Variants in SLC2A14 observed in about 807,000 individuals in gnomAD.
The protein encoded by SLC2A14 is solute carrier family 2 member 14, also known as solute carrier family 2, facilitated glucose transporter member 14.
SLC2A14 carries 13 observed loss-of-function variants against 43.0 expected under a neutral mutation model. That is an observed-to-expected ratio of 0.30 (90% confidence interval 0.20 to 0.48). The LOEUF (loss-of-function observed/expected upper bound fraction) is 0.48. SLC2A14 is among the 20% of genes least tolerant of loss of function. The probability of loss-of-function intolerance (pLI) is 0.99; values close to 1 mark genes in which losing one functional copy is unlikely to be tolerated. For missense variants in SLC2A14, 428 were observed against 620.4 expected, an observed-to-expected ratio of 0.69 and a Z score of 3.29; for synonymous variants, 190 against 233.8, an observed-to-expected ratio of 0.81 and a Z score of 1.71.
At chr12:7,839,916 T>A (rs1201970883) in intron 2 of SLC2A14, 2 of 267,000 alleles carry the variant, frequency 7.5e-6, no homozygotes, top group Admixed American at 1.3e-4. Context: ...AAGGAGACCC[T>A]GTCTCTACAA....
intron 2 of SLC2A14, among the ~76,000 whole-genome samples, chr12:7,849,285 T>A (rs928151038): frequency 6.6e-6 from 1 of 151,876 alleles, no homozygotes; most frequent in African/African-American, 2.4e-5. Flanking sequence ...GGAGGATTGC[T>A]TGAGTCCAGG....
At chr12:7,828,585 T>C (rs777863383) in intron 6 of SLC2A14, 119 bp downstream of exon 6, 3 of 1,101,746 alleles carry the variant, frequency 2.7e-6, no homozygotes, top group Admixed American at 4.7e-5. Flanking sequence ...ATCAGAACCA[T>C]CTTCACTTGG....
At chr12:7,858,756 C>T (rs186041894) in intron 2 of SLC2A14, among the ~76,000 whole-genome samples, 1 of 152,242 alleles carries the variant, frequency 6.6e-6, no homozygotes, top group Admixed American at 6.5e-5. Flanking sequence ...GCCTCAGCCT[C>T]CCAAAGTGCT....
chr12:7,836,185 A>T (rs2120818910), intron 2 of SLC2A14, among the ~76,000 whole-genome samples: 1 of 151,806 alleles, frequency 6.6e-6, no homozygotes, highest in South Asian at 2.1e-4. Flanking sequence ...CCTGGCCAGT[A>T]CTGTCCAATA....
intron 7 of SLC2A14, among the ~76,000 whole-genome samples, chr12:7,824,954 C>A (rs1360813954): frequency 6.6e-6 from 1 of 151,770 alleles, no homozygotes; most frequent in Non-Finnish European, 1.5e-5. Flanking sequence ...CTCAGCCTCC[C>A]ACAGTGCTGG....
intron 1 of SLC2A14, among the ~76,000 whole-genome samples, chr12:7,882,559 G>T (rs1286982373): frequency 6.6e-6 from 1 of 152,048 alleles, no homozygotes; most frequent in Admixed American, 6.6e-5. Context: ...GCTAGCGTCG[G>T]CAGTGGCTCA....
intron 1 of SLC2A14, among the ~76,000 whole-genome samples, chr12:7,883,151 G>C (rs1258778798): frequency 6.6e-6 from 1 of 151,914 alleles, no homozygotes; most frequent in African/African-American, 2.4e-5. Context: ...AGAGGTTGCA[G>C]TGAGCCAAGA....
At position 7,858,365 on chromosome 12, in the gene SLC2A14, G is replaced by A. The variant is rs151075223; in HGVS notation, c.18+11498C>T. The stretch of plus-strand genomic sequence containing the variant: ...TATAAATGGGTTGTATTTTATTACT[G>A]AGTTGTAAAAGGACTTTACATATTC... On this transcript the variant is annotated intron_variant, in intron 2 of 10. Transcript: ENST00000431042. Among the ~76,000 whole-genome samples, 653 of 152,148 alleles carry A rather than the reference G, an allele frequency of 4.3e-3. 6 individuals carry two copies. The highest frequency in any genetic ancestry group is 0.017 in the Middle Eastern group (5 of 294).
chr12:7,866,238 A>G (rs1203069303), intron 2 of SLC2A14, among the ~76,000 whole-genome samples: 3 of 151,580 alleles, frequency 2.0e-5, no homozygotes, highest in East Asian at 3.9e-4. Context: ...AAAAAAAAAA[A>G]AAAAGAAAAG....
chr12:7,867,920 A>G (rs1279660065), intron 2 of SLC2A14, among the ~76,000 whole-genome samples: 1 of 151,938 alleles, frequency 6.6e-6, no homozygotes, highest in South Asian at 2.1e-4. Flanking sequence ...TATTGTTGAA[A>G]TGACAGCAAA....
intron 2 of SLC2A14, among the ~76,000 whole-genome samples, chr12:7,833,902 G>T (rs761996528): frequency 2.0e-5 from 3 of 152,094 alleles, no homozygotes; most frequent in Non-Finnish European, 4.4e-5. Flanking sequence ...CCTTGGGGCA[G>T]CTCAATTTCT....
upstream of SLC2A14, chr12:7,873,429 G>A: frequency 2.2e-6 from 2 of 908,206 alleles, no homozygotes; most frequent in South Asian, 5.1e-5. Flanking sequence ...ATAACTTGAG[G>A]TCAGGGGTTC....
At chr12:7,816,691 CT>C (rs1279702894) in intron 10 of SLC2A14, among the ~76,000 whole-genome samples, 1 of 151,754 alleles carries the variant, frequency 6.6e-6, no homozygotes, top group Non-Finnish European at 1.5e-5. Context: ...TAGCAAGCCC[CT>C]GTCTCTATTC....
intron 9 of SLC2A14, among the ~76,000 whole-genome samples, chr12:7,818,401 C>T (rs182372327): frequency 1.6e-3 from 245 of 152,306 alleles, no homozygotes; most frequent in Middle Eastern, 6.8e-3. Context: ...TGGCTCACGC[C>T]TATAGTCCCA....
intron 7 of SLC2A14, among the ~76,000 whole-genome samples, chr12:7,827,079 CTT>C (rs1189485109): frequency 1.2e-4 from 13 of 107,460 alleles, no homozygotes; most frequent in African/African-American, 3.4e-4. Flanking sequence ...CTCTCTCTTT[CTT>C]TCTTTCTTTC....
chr12:7,871,288 G>C, intron 1 of SLC2A14: 1 of 1,141,776 alleles, frequency 8.8e-7, no homozygotes. Flanking sequence ...GATGTACTGG[G>C]AGGCACCCAT....
At chr12:7,858,977 A>G (rs1944400032) in intron 2 of SLC2A14, among the ~76,000 whole-genome samples, 1 of 152,152 alleles carries the variant, frequency 6.6e-6, no homozygotes, top group African/African-American at 2.4e-5. Flanking sequence ...TTTTGTATAC[A>G]GTATGAGGTA....
At chr12:7,852,053 AG>A (rs1866978338) in intron 2 of SLC2A14, among the ~76,000 whole-genome samples, 1 of 152,270 alleles carries the variant, frequency 6.6e-6, no homozygotes, top group Admixed American at 6.5e-5. Context: ...ATGTCTCACT[AG>A]GGGTCCTAAA....
chr12:7,857,164 C>T (rs1454903881), intron 2 of SLC2A14, among the ~76,000 whole-genome samples: 1 of 152,056 alleles, frequency 6.6e-6, no homozygotes, highest in African/African-American at 2.4e-5. Context: ...GCAGGAGAAT[C>T]GCTCAAACCC....
Sources: gnomAD v4.1 joint callset for allele counts (sites outside exome capture counted in the v4.1 genomes callset) on GRCh38, gnomAD v4.1.1 for gene constraint, MANE v1.5 for transcripts, NCBI Gene and HGNC (gene_info 2026-07-23, HGNC 2026-07-21) for gene names.